Variants in SATB1 observed in about 807,000 individuals in gnomAD.
SATB1 encodes DNA-binding protein SATB1.
In SATB1, 11 loss-of-function variants were observed where a neutral mutation model predicts 86.9. That is an observed-to-expected ratio of 0.13 (90% CI 0.08 to 0.21). SATB1 has a LOEUF of 0.21. Among genes scored for constraint, SATB1 ranks in the 10% least tolerant of loss-of-function variants. The pLI is 1.00. For synonymous variants in SATB1, 357 were observed against 357.2 expected, an observed-to-expected ratio of 1.00 and a Z score of 0.01; for missense variants, 551 against 937.6, an observed-to-expected ratio of 0.59 and a Z score of 5.39.
At chr3:18,409,374 G>A (rs1274483492) in intron 5 of SATB1, 1 of 152,010 alleles carries the variant, frequency 6.6e-6, no homozygotes. Flanking sequence ...TTGCAATTTG[G>A]AGGACAATTC....
chr3:18,440,182 A>G (rs568067334), upstream of SATB1, among the ~76,000 whole-genome samples: 2 of 152,308 alleles, frequency 1.3e-5, no homozygotes, highest in Non-Finnish European at 1.5e-5. Context: ...GTGTTTGAAC[A>G]TATTTATCCT....
intron 5 of SATB1, chr3:18,409,596 G>A (rs1252016443): frequency 6.6e-6 from 1 of 151,924 alleles, no homozygotes; most frequent in Non-Finnish European, 1.5e-5. Flanking sequence ...GCTGAAAAGT[G>A]GTCATAATAT....
chr3:18,352,180 G>A lies in SATB1; in HGVS notation c.1591C>T (p.Leu531=). 1.2e-6 allele frequency: 2 copies of A among 1,614,170 alleles called. No homozygotes were observed. Among genetic ancestry groups the A allele is most frequent in the African/African-American group, 1.3e-5 (1 of 75,048 alleles). Residue 531 remains leucine, a synonymous_variant, in exon 10 of 11, where the codon CTG becomes TTG. Coordinates refer to ENST00000338745, the MANE Select transcript of SATB1 (RefSeq NM_002971.6). The surrounding 1 kb of genome is among the most constrained non-coding windows in gnomAD (Gnocchi z 4.1). Reference sequence around the variant, plus strand: ...GAAGGATCTTCTTTCCAGCGTAACAGCTCGCACAACCATCCCTTAGAGACA... The same window carrying A: ...GAAGGATCTTCTTTCCAGCGTAACAACTCGCACAACCATCCCTTAGAGACA... ...ATKSQGWLCE[L]LRWKEDPSPE... is the part of the protein sequence containing the mutation.
At chr3:18,397,468 CTTAT>C (rs1013047676) in intron 5 of SATB1, among the ~76,000 whole-genome samples, 178 bp from the exon 6 acceptor site, 5 of 152,044 alleles carry the variant, frequency 3.3e-5, no homozygotes, top group African/African-American at 7.2e-5. Context: ...TCATCAAATG[CTTAT>C]TTAAGTAGAA....
intron 1 of SATB1, among the ~76,000 whole-genome samples, chr3:18,422,240 T>C (rs953175220): frequency 6.6e-5 from 10 of 152,202 alleles, no homozygotes; most frequent in East Asian, 1.9e-4. Context: ...ATTCTTACAC[T>C]GGAGCTATTT....
chr3:18,411,694 C>T (rs1209920678), intron 5 of SATB1, among the ~76,000 whole-genome samples: 1 of 151,852 alleles, frequency 6.6e-6, no homozygotes, highest in Admixed American at 6.6e-5. Flanking sequence ...ACCACATCCA[C>T]CGAAAAAAAC....
At chr3:18,389,036 A>G (rs1696491712) in intron 7 of SATB1, among the ~76,000 whole-genome samples, 1 of 152,132 alleles carries the variant, frequency 6.6e-6, no homozygotes, top group Non-Finnish European at 1.5e-5. Context: ...GAAAATTTTA[A>G]AAGTTCTCTA....
At chr3:18,406,691 T>C (rs982175318) in intron 5 of SATB1, among the ~76,000 whole-genome samples, 6 of 152,050 alleles carry the variant, frequency 3.9e-5, no homozygotes, top group Admixed American at 2.0e-4. Context: ...ATGAACATTA[T>C]CAAATATACA....
chr3:18,350,762 T>G (rs1694314711), intron 10 of SATB1: 1 of 153,216 alleles, frequency 6.5e-6, no homozygotes, highest in Non-Finnish European at 1.5e-5. Flanking sequence ...TTTGTCAACT[T>G]GTTTTATCTT....
upstream of SATB1, among the ~76,000 whole-genome samples, chr3:18,426,904 T>G (rs1447771044): frequency 1.3e-5 from 2 of 152,184 alleles, no homozygotes; most frequent in African/African-American, 2.4e-5. This position sits in a 1 kb window ranked among gnomAD's most constrained non-coding sequence, Gnocchi z 4.2. Context: ...AATGATGGCC[T>G]CCTAGGGGAG....
chr3:18,408,454 AT>A (rs1697660822), intron 5 of SATB1, among the ~76,000 whole-genome samples: 1 of 152,060 alleles, frequency 6.6e-6, no homozygotes, highest in Admixed American at 6.6e-5. Flanking sequence ...CATTTTAAAA[AT>A]GCTAAACAGA....
intron 5 of SATB1, among the ~76,000 whole-genome samples, chr3:18,401,068 G>A (rs1442241446): frequency 6.6e-6 from 1 of 152,146 alleles, no homozygotes; most frequent in Non-Finnish European, 1.5e-5. Context: ...TACAGCCTGG[G>A]CATCCTTGCT....
At chr3:18,406,342 G>A (rs907063905) in intron 5 of SATB1, among the ~76,000 whole-genome samples, 2 of 151,928 alleles carry the variant, frequency 1.3e-5, no homozygotes, top group Admixed American at 6.6e-5. Flanking sequence ...TAACATTTCC[G>A]TATTGGCAAC....
At chr3:18,441,695 T>C (rs71312170), upstream of SATB1, among the ~76,000 whole-genome samples, 5,607 of 152,252 alleles carry the variant, frequency 0.037, 127 homozygotes, top group Non-Finnish European at 0.056. Context: ...ACAGTGTTTG[T>C]AACCAAAATA....
intron 1 of SATB1, 73 bp from the exon 2 acceptor site, chr3:18,421,064 T>C: frequency 2.0e-6 from 2 of 1,008,264 alleles, no homozygotes; most frequent in Non-Finnish European, 3.0e-6. Flanking sequence ...CCTATGTAAA[T>C]GTTTTAGCTC....
At chr3:18,378,136 A>G in intron 9 of SATB1, 34 bp downstream of exon 9, 1 of 1,528,742 alleles carries the variant, frequency 6.5e-7, no homozygotes, top group Non-Finnish European at 8.7e-7. Flanking sequence ...GGCAACACAG[A>G]TAAACATTCT....
Position 18,444,193 on chromosome 3 carries a change from G to A in SATB1, c.-25+1325C>T, listed in dbSNP as rs1355101423. 6.6e-6 allele frequency among the ~76,000 whole-genome samples: 1 copy of A among 151,758 alleles called. No individual in the cohort carries two copies. Among genetic ancestry groups the A allele is most frequent in the Non-Finnish European group, 1.5e-5 (1 of 67,930 alleles). Reference sequence around the variant, plus strand: ...CTTACTGCCCGCCCGGCTCCAGAACGCACCGAGAGGCTCCCCTTTTCCCCA... The same window carrying A: ...CTTACTGCCCGCCCGGCTCCAGAACACACCGAGAGGCTCCCCTTTTCCCCA... On this transcript the variant is annotated intron_variant, in intron 1 of 3. Transcript: ENST00000415069. This position sits in a 1 kb window ranked among gnomAD's most constrained non-coding sequence, Gnocchi z 5.1.
At chr3:18,408,213 T>C (rs1240712832) in intron 5 of SATB1, among the ~76,000 whole-genome samples, 2 of 151,796 alleles carry the variant, frequency 1.3e-5, no homozygotes, top group Non-Finnish European at 2.9e-5. Flanking sequence ...AGTTTCAGAG[T>C]AAGAATGAGA....
intron 5 of SATB1, among the ~76,000 whole-genome samples, chr3:18,411,270 G>A (rs970318664): frequency 6.6e-6 from 1 of 152,090 alleles, no homozygotes; most frequent in African/African-American, 2.4e-5. Flanking sequence ...ATGTGTGTGT[G>A]TGCACGTGTG....
Sources: allele counts gnomAD v4.1 joint callset (sites outside exome capture counted in the v4.1 genomes callset), GRCh38; gene constraint gnomAD v4.1.1; non-coding constraint Gnocchi (gnomAD v3.1); transcripts MANE v1.5; gene names NCBI Gene and HGNC (gene_info 2026-07-23, HGNC 2026-07-21).